Variants in LSAMP observed in about 807,000 individuals in gnomAD.
LSAMP encodes limbic system-associated membrane protein.
LSAMP carries 7 observed loss-of-function variants against 38.6 expected under a neutral mutation model. That is an observed-to-expected ratio of 0.18 (90% CI 0.10 to 0.34). The LOEUF (loss-of-function observed/expected upper bound fraction) is 0.34, where lower values mean the gene tolerates loss of function less well. Among genes scored for constraint, LSAMP ranks in the 10% least tolerant of loss-of-function variants. The pLI is 1.00. For synonymous variants in LSAMP, 154 were observed against 166.8 expected (o/e 0.92, Z 0.59); for missense variants, 313 against 420.0 (o/e 0.75, Z 2.23).
At chr3:116,037,066 G>C (rs1941063638) in intron 2 of LSAMP, among the ~76,000 whole-genome samples, 1 of 152,082 alleles carries the variant, frequency 6.6e-6, no homozygotes, top group African/African-American at 2.4e-5. Context: ...TCAATGCAAG[G>C]ACTCGGGGAC....
chr3:116,043,564 A>G (rs1286355425), intron 2 of LSAMP, among the ~76,000 whole-genome samples: 1 of 152,222 alleles, frequency 6.6e-6, no homozygotes, highest in Non-Finnish European at 1.5e-5. Flanking sequence ...TAGGGACACC[A>G]CTAAGTTAGC....
intron 1 of LSAMP, among the ~76,000 whole-genome samples, chr3:116,441,369 T>C (rs2049432555): frequency 6.6e-6 from 1 of 152,230 alleles, no homozygotes; most frequent in East Asian, 1.9e-4. Context: ...ATGTACGTTT[T>C]ACAAAGTTGC....
chr3:116,064,943 T>C (rs1195605196), intron 2 of LSAMP, among the ~76,000 whole-genome samples: 1 of 152,226 alleles, frequency 6.6e-6, no homozygotes, highest in Non-Finnish European at 1.5e-5. Flanking sequence ...GGCAAGTCCA[T>C]AGTCTGAAGC....
intron 6 of LSAMP, among the ~76,000 whole-genome samples, chr3:115,814,862 C>T (rs562251265): frequency 2.0e-4 from 31 of 152,268 alleles, no homozygotes; most frequent in African/African-American, 7.5e-4. Flanking sequence ...TCTACACAGT[C>T]TCCTAAGAAT....
At chr3:116,079,202 C>A (rs536676120) in intron 2 of LSAMP, among the ~76,000 whole-genome samples, 1 of 152,222 alleles carries the variant, frequency 6.6e-6, no homozygotes, top group Non-Finnish European at 1.5e-5. Context: ...AGCCAAGGTC[C>A]CAACTTTCCC....
chr3:116,382,612 C>A (rs969134967), intron 1 of LSAMP, among the ~76,000 whole-genome samples: 2 of 151,764 alleles, frequency 1.3e-5, no homozygotes, highest in Non-Finnish European at 2.9e-5. Context: ...ATGTAACAAA[C>A]CTGCACTTGT....
chr3:115,851,724 G>C (rs561683312), intron 4 of LSAMP, among the ~76,000 whole-genome samples: 4 of 152,326 alleles, frequency 2.6e-5, no homozygotes, highest in South Asian at 2.1e-4. Context: ...AGCCACAGCT[G>C]TGTGATGTGG....
At chr3:116,019,164 G>A (rs557267417) in intron 3 of LSAMP, among the ~76,000 whole-genome samples, 2 of 132,986 alleles carry the variant, frequency 1.5e-5, no homozygotes, top group Admixed American at 7.7e-5. Context: ...GGGTGGGGGG[G>A]GGGGGGCTGT....
chr3:116,167,452 A>C (rs1191175375), intron 1 of LSAMP, among the ~76,000 whole-genome samples: 1 of 152,240 alleles, frequency 6.6e-6, no homozygotes, highest in African/African-American at 2.4e-5. Flanking sequence ...AAACACAATG[A>C]AGTTGAATTG....
chr3:116,106,389 G>C (rs1346725036), intron 1 of LSAMP, among the ~76,000 whole-genome samples: 1 of 152,132 alleles, frequency 6.6e-6, no homozygotes, highest in African/African-American at 2.4e-5. Context: ...TACAGTCTAA[G>C]TTGGTCTGGT....
At chr3:116,079,025 T>C (rs1212041949) in intron 2 of LSAMP, among the ~76,000 whole-genome samples, 2 of 152,182 alleles carry the variant, frequency 1.3e-5, no homozygotes, top group Non-Finnish European at 2.9e-5. Context: ...CTCTCTCTCT[T>C]CTATTAAAAC....
chr3:116,424,089 C>T lies in LSAMP; in HGVS notation c.155+20788G>A, dbSNP rs192056089. Reference sequence around the variant, plus strand: ...GTCAGGGAATGTGTTTCACTCATGTCCTGTGGCCCTTTGACTTCAATTATC... The same window carrying T: ...GTCAGGGAATGTGTTTCACTCATGTTCTGTGGCCCTTTGACTTCAATTATC... On this transcript the variant is annotated intron_variant, in intron 1 of 6. Transcript: ENST00000490035. 3.9e-5 allele frequency among the ~76,000 whole-genome samples: 6 copies of T among 152,246 alleles called. No homozygotes were observed. In the East Asian group the frequency reaches 1.2e-3, roughly 29 times the overall value.
intron 2 of LSAMP, among the ~76,000 whole-genome samples, chr3:116,077,267 T>C (rs1433891087): frequency 1.3e-5 from 2 of 151,976 alleles, no homozygotes; most frequent in Non-Finnish European, 2.9e-5. Flanking sequence ...ATAATGATTG[T>C]TGGTATGCTT....
intron 1 of LSAMP, among the ~76,000 whole-genome samples, chr3:116,340,330 TC>T (rs1365313394): frequency 2.0e-5 from 3 of 152,048 alleles, no homozygotes; most frequent in South Asian, 2.1e-4. Flanking sequence ...ATTGCTGTTT[TC>T]TTTTTTTGTG....
At chr3:116,236,078 AAAT>A (rs1331966201) in intron 1 of LSAMP, among the ~76,000 whole-genome samples, 1 of 152,154 alleles carries the variant, frequency 6.6e-6, no homozygotes, top group Non-Finnish European at 1.5e-5. Flanking sequence ...GACTATAATC[AAAT>A]AATGAATGAT....
intron 1 of LSAMP, among the ~76,000 whole-genome samples, chr3:116,159,517 A>G (rs1709832539): frequency 1.3e-5 from 2 of 152,198 alleles, no homozygotes; most frequent in Admixed American, 1.3e-4. Flanking sequence ...AATGTCACTG[A>G]TCATTAGAGA....
chr3:116,020,113 C>T (rs1272152415), intron 2 of LSAMP, among the ~76,000 whole-genome samples: 1 of 152,058 alleles, frequency 6.6e-6, no homozygotes, highest in East Asian at 1.9e-4. Context: ...TGTGGCAATA[C>T]CTGGTTACTT....
intron 1 of LSAMP, among the ~76,000 whole-genome samples, chr3:116,244,396 G>A (rs1334028127): frequency 1.3e-5 from 2 of 152,058 alleles, no homozygotes; most frequent in Admixed American, 6.6e-5. Context: ...AGCCCATCAG[G>A]CAAACCCATG....
At chr3:115,834,871 G>GA (rs1050728478) in intron 6 of LSAMP, among the ~76,000 whole-genome samples, 3 of 151,956 alleles carry the variant, frequency 2.0e-5, no homozygotes, top group African/African-American at 7.3e-5. Context: ...AATCCTACTG[G>GA]AAAAAACCCA....
Sources: gnomAD v4.1 joint callset for allele counts (sites outside exome capture counted in the v4.1 genomes callset) on GRCh38, gnomAD v4.1.1 for gene constraint, MANE v1.5 for transcripts, NCBI Gene and HGNC (gene_info 2026-07-23, HGNC 2026-07-21) for gene names.